ULK4: variants seen among roughly 807,000 people sequenced by gnomAD.
ULK4 encodes inactive serine/threonine-protein kinase ULK4.
A neutral mutation model predicts 160.6 loss-of-function variants in ULK4; 133 were observed. The observed-to-expected ratio is 0.83, with a 90% CI of 0.72 to 0.96. The LOEUF is 0.96. Among genes scored for constraint, ULK4 ranks in the 40% least tolerant of loss-of-function variants. The pLI, the probability that ULK4 is intolerant of heterozygous loss-of-function variation, is 0.00. For synonymous variants in ULK4, 534 were observed against 539.8 expected, an observed-to-expected ratio of 0.99 and a Z score of 0.15; for missense variants, 1,580 against 1,499.5, an observed-to-expected ratio of 1.05 and a Z score of -0.89.
intron 35 of ULK4, among the ~76,000 whole-genome samples, chr3:41,281,640 G>A (rs2079355214): frequency 1.3e-5 from 2 of 152,154 alleles, no homozygotes. Context: ...AGGTATTGAT[G>A]GAATGTATCT....
chr3:41,644,902 T>C (rs183405417), intron 30 of ULK4, among the ~76,000 whole-genome samples: 1,957 of 152,314 alleles, frequency 0.013, 24 homozygotes, highest in African/African-American at 0.045. Flanking sequence ...AGATTCAACT[T>C]CTTCCTGGTT....
At chr3:41,358,399 A>G (rs946929657) in intron 35 of ULK4, among the ~76,000 whole-genome samples, 3 of 152,206 alleles carry the variant, frequency 2.0e-5, no homozygotes, top group African/African-American at 4.8e-5. Context: ...ACACAATAAG[A>G]AAAGACAGTA....
At chr3:41,939,406 C>T (rs77375679) in intron 2 of ULK4, among the ~76,000 whole-genome samples, 3 of 152,102 alleles carry the variant, frequency 2.0e-5, no homozygotes, top group Non-Finnish European at 2.9e-5. Context: ...GTGATCCACC[C>T]GCCTTGGCCT....
At chr3:41,683,717 C>A (rs1287428173) in intron 27 of ULK4, among the ~76,000 whole-genome samples, 15 of 152,004 alleles carry the variant, frequency 9.9e-5, no homozygotes, top group Non-Finnish European at 2.1e-4. Flanking sequence ...TCAGTAGACA[C>A]CCATGTGGCA....
chr3:41,290,066 A>C (rs1462684507), intron 35 of ULK4, among the ~76,000 whole-genome samples: 1 of 151,980 alleles, frequency 6.6e-6, no homozygotes, highest in Non-Finnish European at 1.5e-5. Context: ...GGAGAGACGG[A>C]GTTCCTCCAT....
intron 18 of ULK4, among the ~76,000 whole-genome samples, chr3:41,831,011 T>TA (rs201202419): frequency 0.12 from 10,762 of 93,298 alleles, 1,269 homozygotes; most frequent in African/African-American, 0.44. Context: ...TTTATTATTT[T>TA]TTTTATTTAT....
chr3:41,616,268 G>A (rs2125683436), intron 30 of ULK4, among the ~76,000 whole-genome samples: 1 of 152,230 alleles, frequency 6.6e-6, no homozygotes, highest in East Asian at 1.9e-4. Context: ...TTTCATAAAA[G>A]AGAAAACAGC....
chr3:41,805,456 C>G (rs2125612067), intron 19 of ULK4, among the ~76,000 whole-genome samples: 1 of 152,264 alleles, frequency 6.6e-6, no homozygotes, highest in East Asian at 1.9e-4. Context: ...TCCTCTTTTC[C>G]TAATTGAATA....
At chr3:41,804,555 C>A (rs1278548429) in intron 19 of ULK4, among the ~76,000 whole-genome samples, 1 of 151,236 alleles carries the variant, frequency 6.6e-6, no homozygotes, top group Non-Finnish European at 1.5e-5. Flanking sequence ...GAAGTCCTTG[C>A]CCATGCCTAT....
rs553544943 is a variant in ULK4 at position 41,732,107 on chromosome 3, C to A, written c.2322-14246G>T. ...GGTAAGAACTCAAAAGCGCAGGCAA[C>A]AAAAGTGAAAACAGACAAATGAGAT... is the stretch of plus-strand genomic sequence containing the variant. On this transcript the variant is annotated intron_variant, in intron 22 of 36. Transcript: ENST00000301831. Among the ~76,000 whole-genome samples, 3 of 152,134 alleles carry A rather than the reference C, an allele frequency of 2.0e-5. No homozygotes were observed. In the South Asian group the frequency reaches 6.2e-4, roughly 32 times the overall value.
At chr3:41,899,515 C>T (rs936993077) in intron 13 of ULK4, among the ~76,000 whole-genome samples, 8 of 152,312 alleles carry the variant, frequency 5.3e-5, no homozygotes, top group Middle Eastern at 3.4e-3. Context: ...CTGTCCAACC[C>T]GTAGCCCATG....
chr3:41,897,340 T>C (rs1474310964), intron 14 of ULK4, among the ~76,000 whole-genome samples: 1 of 152,104 alleles, frequency 6.6e-6, no homozygotes, highest in Non-Finnish European at 1.5e-5. Context: ...TTTGTATAAA[T>C]AAATCAACTC....
At chr3:41,317,063 A>ATTTTTTTTTTTTTTTTTTTT (rs1164870603) in intron 35 of ULK4, among the ~76,000 whole-genome samples, 3 of 94,522 alleles carry the variant, frequency 3.2e-5, no homozygotes, top group African/African-American at 8.6e-5. Flanking sequence ...AATTACATCT[A>ATTTTTTTTTTTTTTTTTTTT]TTTTTTTTTT....
intron 32 of ULK4, among the ~76,000 whole-genome samples, chr3:41,491,052 G>A (rs532282926): frequency 6.6e-6 from 1 of 152,052 alleles, no homozygotes; most frequent in Non-Finnish European, 1.5e-5. Flanking sequence ...CAATAGCAAC[G>A]AAAAGATGAG....
intron 34 of ULK4, among the ~76,000 whole-genome samples, chr3:41,453,912 C>A (rs1293122647): frequency 1.3e-5 from 2 of 149,994 alleles, no homozygotes; most frequent in Non-Finnish European, 3.0e-5. Flanking sequence ...TCATTCTCAG[C>A]AAACTATCAC....
At chr3:41,759,243 G>C (rs2038907812) in intron 21 of ULK4, among the ~76,000 whole-genome samples, 1 of 151,916 alleles carries the variant, frequency 6.6e-6, no homozygotes, top group African/African-American at 2.4e-5. Flanking sequence ...ATTTGCAGAT[G>C]ACATGATTAT....
intron 29 of ULK4, among the ~76,000 whole-genome samples, chr3:41,673,902 T>C (rs552774275): frequency 5.3e-5 from 8 of 152,284 alleles, no homozygotes; most frequent in African/African-American, 1.9e-4. Context: ...TTTATTTCTT[T>C]ATTGCTTTGT....
chr3:41,892,392 C>G (rs1422142124), intron 16 of ULK4, among the ~76,000 whole-genome samples: 1 of 152,180 alleles, frequency 6.6e-6, no homozygotes, highest in Non-Finnish European at 1.5e-5. Flanking sequence ...AAACAGAAAA[C>G]ACTAATGTTC....
At chr3:41,468,617 C>T (rs2083894260) in intron 32 of ULK4, among the ~76,000 whole-genome samples, 1 of 152,156 alleles carries the variant, frequency 6.6e-6, no homozygotes, top group African/African-American at 2.4e-5. Context: ...AAGCCTGAGT[C>T]ACCTGTGTGG....
Sources: gnomAD v4.1 joint callset for allele counts (sites outside exome capture counted in the v4.1 genomes callset) on GRCh38, gnomAD v4.1.1 for gene constraint, MANE v1.5 for transcripts, NCBI Gene and HGNC (gene_info 2026-07-23, HGNC 2026-07-21) for gene names.